MAFB: variants seen among roughly 807,000 people sequenced by gnomAD.
The protein encoded by MAFB is MAF bZIP transcription factor B.
A neutral mutation model predicts 17.7 loss-of-function variants in MAFB; 3 were observed. The ratio of observed to expected loss-of-function variants is 0.17; its 90% CI spans 0.08 to 0.44. The LOEUF is 0.44. Among genes scored for constraint, MAFB ranks in the 20% least tolerant of loss-of-function variants. The pLI, the probability that MAFB is intolerant of heterozygous loss-of-function variation, is 0.99. For synonymous variants in MAFB, 214 were observed against 211.5 expected, an observed-to-expected ratio of 1.01 and a Z score of -0.10; for missense variants, 355 against 461.3, an observed-to-expected ratio of 0.77 and a Z score of 2.11.
In MAFB at chr20:40,687,816, A is replaced by T. The variant is rs1600428359; in HGVS notation, c.*63T>A. The T allele has an allele frequency of 1.9e-6, 3 of 1,553,788 alleles. No individual in the cohort carries two copies. Among genetic ancestry groups the T allele is most frequent in the East Asian group, 4.5e-5 (2 of 44,196 alleles). On this transcript the variant is annotated 3_prime_UTR_variant, in exon 1 of 1. Coordinates refer to ENST00000373313, the MANE Select transcript of MAFB (RefSeq NM_005461.5). ...GGGACAGGGTCCGGGGTAGTCTGGG[A>T]CTAGGGACGTGGGACAGGGAGTCCG...
chr20:40,686,380 T>C lies in MAFB; in HGVS notation c.*1499A>G. On this transcript the variant is annotated 3_prime_UTR_variant, in exon 1 of 1. Coordinates refer to ENST00000373313, the MANE Select transcript of MAFB (RefSeq NM_005461.5). The stretch of plus-strand genomic sequence containing the variant: ...GAAGGGGGGGGACACCACCAAGAAC[T>C]CTTCCTACTATCTCAAAAGCAGGGA... The C allele has an allele frequency of 3.7e-6, 1 of 273,350 alleles. No homozygotes were observed. Among genetic ancestry groups the C allele is most frequent in the Non-Finnish European group, 6.8e-6 (1 of 146,368 alleles). The allele number at this position is 273,350 out of a possible 1,614,324, so 16.9% of individuals were successfully genotyped here. A position where few individuals can be genotyped will look rare whatever the true frequency, so the allele number is the denominator to read the frequency against.
At position 40,689,160 on chromosome 20, in the gene MAFB, C is replaced by T. The variant is rs567415398; in HGVS notation, c.-310G>A. The T allele has an allele frequency of 6.8e-4, 265 of 391,386 alleles. No homozygotes were observed. Among genetic ancestry groups the T allele is most frequent in the African/African-American group, 5.1e-3 (246 of 47,792 alleles). The allele number at this position is 391,386 out of a possible 1,614,324, so 24.2% of individuals were successfully genotyped here. Reference sequence around the variant, plus strand: ...GCTGAGGGGAGGCGTGGGGCGAGTGCCCGTTGCTCGCTCTCTAGCTCTCTT... The same window carrying T: ...GCTGAGGGGAGGCGTGGGGCGAGTGTCCGTTGCTCGCTCTCTAGCTCTCTT... On this transcript the variant is annotated 5_prime_UTR_variant, in exon 1 of 1. Coordinates refer to ENST00000373313, the MANE Select transcript of MAFB (RefSeq NM_005461.5).
In MAFB at chr20:40,687,092, G is replaced by C; in HGVS notation, c.*787C>G. 5.0e-6 allele frequency: 2 copies of C among 398,936 alleles called. No homozygotes were observed. Among genetic ancestry groups the C allele is most frequent in the Admixed American group, 8.8e-5 (2 of 22,724 alleles). 24.7% of individuals were successfully genotyped at this position (398,936 alleles called of 1,614,324 possible). A position where few individuals can be genotyped will look rare whatever the true frequency, so the allele number is the denominator to read the frequency against. ...TACAGCTGGGACTGAAACCCCGCAC[G>C]CAGCCGCCGGAGTTTCCAAACTGCG... On this transcript the variant is annotated 3_prime_UTR_variant, in exon 1 of 1. Coordinates refer to ENST00000373313, the MANE Select transcript of MAFB (RefSeq NM_005461.5).
chr20:40,689,005 G>C lies in MAFB; in HGVS notation c.-155C>G. The C allele has an allele frequency of 1.8e-6, 2 of 1,120,360 alleles. No homozygotes were observed. The highest frequency in any genetic ancestry group is 2.4e-6 in the Non-Finnish European group (2 of 849,298). The allele number at this position is 1,120,360 out of a possible 1,614,324, so 69.4% of individuals were successfully genotyped here. Reference sequence around the variant, plus strand: ...GGGGCCGCCGGCCAAGCCTTTGTCTGGGGACGCGGCGGCGCGCCGGAGAGT... The same window carrying C: ...GGGGCCGCCGGCCAAGCCTTTGTCTCGGGACGCGGCGGCGCGCCGGAGAGT... On this transcript the variant is annotated 5_prime_UTR_variant, in exon 1 of 1. Transcript: ENST00000373313.
rs1340633546 is a variant in MAFB, at chr20:40,688,308, T to C, written c.543A>G (p.Gln181=). The part of the protein sequence containing the change: ...PPPSSAASPA[Q]QLPTSHPGPG... ...GCCCGGGGTGGCTAGTGGGCAGCTG[T>C]TGCGCCGGGCTAGCGGCGCTGGACG... The change falls in exon 1 of 1, where the codon CAA becomes CAG. Residue 181 remains glutamine (Q), a synonymous_variant. Coordinates refer to ENST00000373313, the MANE Select transcript of MAFB (RefSeq NM_005461.5). 6.6e-7 allele frequency: 1 copy of C among 1,520,828 alleles called. No homozygotes were observed. The highest frequency in any genetic ancestry group is 8.7e-7 in the Non-Finnish European group (1 of 1,145,942). 94.2% of individuals were successfully genotyped at this position (1,520,828 alleles called of 1,614,324 possible).
Position 40,686,642 on chromosome 20 carries a change from A to G in MAFB, c.*1237T>C, listed in dbSNP as rs1165279200. 7.5e-6 allele frequency: 3 copies of G among 398,212 alleles called. No homozygotes were observed. Among genetic ancestry groups the G allele is most frequent in the Non-Finnish European group, 1.3e-5 (3 of 226,090 alleles). The allele number at this position is 398,212 out of a possible 1,614,324, so 24.7% of individuals were successfully genotyped here. ...ACCTCAGGGTGATTCTGGTTACAAT[A>G]AAAAGCAGAGGGGAGGATCTGTTTT... On this transcript the variant is annotated 3_prime_UTR_variant, in exon 1 of 1. Transcript: ENST00000373313.
rs545582984 is a variant in MAFB at position 40,687,856 on chromosome 20, C to T, written c.*23G>A. Reference sequence around the variant, plus strand: ...CAGGGAGTCCGGGCCGGGGCAAGGGCGGGGGCCAGGACCGGCCACGACTCA... The same window carrying T: ...CAGGGAGTCCGGGCCGGGGCAAGGGTGGGGGCCAGGACCGGCCACGACTCA... On this transcript the variant is annotated 3_prime_UTR_variant, in exon 1 of 1. Transcript: ENST00000373313. The T allele has an allele frequency of 1.2e-6, 2 of 1,601,918 alleles. No homozygotes were observed. Among genetic ancestry groups the T allele is most frequent in the South Asian group, 2.2e-5 (2 of 90,542 alleles).
At position 40,686,344 on chromosome 20, in the gene MAFB, A is replaced by G. The variant is rs1986827674; in HGVS notation, c.*1535T>C. Reference sequence around the variant, plus strand: ...ATATCTTCCCTATAACTACTATACAACTGAAGAATTGAAGGGGGGGGACAC... The same window carrying G: ...ATATCTTCCCTATAACTACTATACAGCTGAAGAATTGAAGGGGGGGGACAC... On this transcript the variant is annotated 3_prime_UTR_variant, in exon 1 of 1. Coordinates refer to ENST00000373313, the MANE Select transcript of MAFB (RefSeq NM_005461.5). The G allele has an allele frequency of 4.0e-6, 1 of 252,270 alleles. No individual in the cohort carries two copies. Among genetic ancestry groups the G allele is most frequent in the Admixed American group, 5.5e-5 (1 of 18,274 alleles). 15.6% of individuals were successfully genotyped at this position (252,270 alleles called of 1,614,324 possible). A position where few individuals can be genotyped will look rare whatever the true frequency, so the allele number is the denominator to read the frequency against.
At position 40,687,655 on chromosome 20, in the gene MAFB, G is replaced by T; in HGVS notation, c.*224C>A. On this transcript the variant is annotated 3_prime_UTR_variant, in exon 1 of 1. Coordinates refer to ENST00000373313, the MANE Select transcript of MAFB (RefSeq NM_005461.5). ...TCTCTCCGGCTCTGCTCGAGTCTAG[G>T]AGGCGGCGCTGGCGTGCGCTACTCT... 3 of 605,206 alleles carry T rather than the reference G, an allele frequency of 5.0e-6. No individual in the cohort carries two copies. The highest frequency in any genetic ancestry group is 8.7e-6 in the Non-Finnish European group (3 of 342,974). The allele number at this position is 605,206 out of a possible 1,614,324, so 37.5% of individuals were successfully genotyped here.
In MAFB at chr20:40,688,746, T is replaced by G; in HGVS notation, c.105A>C (p.Pro35=). The G allele has an allele frequency of 9.9e-6, 16 of 1,613,834 alleles. No homozygotes were observed. Among genetic ancestry groups the G allele is most frequent in the Non-Finnish European group, 1.4e-5 (16 of 1,179,884 alleles). Residue 35 remains proline, a synonymous_variant, in exon 1 of 1, where the codon CCA becomes CCC. Transcript: ENST00000373313. The part of the protein sequence containing the change: ...DLLKFDVKKE[P]LGRAERPGRP... ...TGCCCGGACGCTCCGCGCGCCCCAG[T>G]GGCTCCTTCTTCACGTCGAACTTGA... is the stretch of plus-strand genomic sequence containing the variant.
chr20:40,687,872 C>T lies in MAFB; in HGVS notation c.*7G>A, dbSNP rs1278963145. 1 of 1,607,604 alleles carries T rather than the reference C, an allele frequency of 6.2e-7. No homozygotes were observed. Among genetic ancestry groups the T allele is most frequent in the Non-Finnish European group, 8.5e-7 (1 of 1,179,694 alleles). ...GGGCAAGGGCGGGGGCCAGGACCGG[C>T]CACGACTCACAGAAAGAACTCGGGA... On this transcript the variant is annotated 3_prime_UTR_variant, in exon 1 of 1. Coordinates refer to ENST00000373313, the MANE Select transcript of MAFB (RefSeq NM_005461.5).
rs561128624 is a variant in MAFB at position 40,687,102 on chromosome 20, G to T, written c.*777C>A. On this transcript the variant is annotated 3_prime_UTR_variant, in exon 1 of 1. Coordinates refer to ENST00000373313, the MANE Select transcript of MAFB (RefSeq NM_005461.5). The stretch of plus-strand genomic sequence containing the variant: ...ACTGAAACCCCGCACGCAGCCGCCG[G>T]AGTTTCCAAACTGCGATCCCTTCTC... The T allele has an allele frequency of 2.5e-6, 1 of 398,836 alleles. No individual in the cohort carries two copies. 24.7% of individuals were successfully genotyped at this position (398,836 alleles called of 1,614,324 possible).
chr20:40,687,368 TGACA>T lies in MAFB; in HGVS notation c.*507_*510del, dbSNP rs201579991. 6.7e-3 allele frequency: 2,645 copies of T among 397,082 alleles called. 22 individuals carry two copies. The highest frequency in any genetic ancestry group is 0.02 in the Middle Eastern group (31 of 1,550). The allele number at this position is 397,082 out of a possible 1,614,324, so 24.6% of individuals were successfully genotyped here. The stretch of plus-strand genomic sequence containing the variant: ...CTGAGAGCCAGTGTTCTCCGAACTC[TGACA>T]GACAGGTCCGTCTGTCCTTCCTTCT... On this transcript the variant is annotated 3_prime_UTR_variant, in exon 1 of 1. Coordinates refer to ENST00000373313, the MANE Select transcript of MAFB (RefSeq NM_005461.5).
rs148352161 is a variant in MAFB, at chr20:40,686,359, G to T, written c.*1520C>A. ...CTACTATACAACTGAAGAATTGAAG[G>T]GGGGGGACACCACCAAGAACTCTTC... On this transcript the variant is annotated 3_prime_UTR_variant, in exon 1 of 1. Transcript: ENST00000373313. 31 of 262,288 alleles carry T rather than the reference G, an allele frequency of 1.2e-4. No homozygotes were observed. Among genetic ancestry groups the T allele is most frequent in the Middle Eastern group, 2.1e-3 (2 of 948 alleles). 16.2% of individuals were successfully genotyped at this position (262,288 alleles called of 1,614,324 possible).
chr20:40,687,358 C>CTGTCTG lies in MAFB; in HGVS notation c.*520_*521insCAGACA, dbSNP rs1308948324. On this transcript the variant is annotated 3_prime_UTR_variant, in exon 1 of 1. Coordinates refer to ENST00000373313, the MANE Select transcript of MAFB (RefSeq NM_005461.5). ...TGTCTCAGGGCTGAGAGCCAGTGTT[C>CTGTCTG]TCCGAACTCTGACAGACAGGTCCGT... is the stretch of plus-strand genomic sequence containing the variant. The CTGTCTG allele has an allele frequency of 1.0e-5, 4 of 397,160 alleles. No homozygotes were observed. The highest frequency in any genetic ancestry group is 1.8e-5 in the Non-Finnish European group (4 of 225,460). The allele number at this position is 397,160 out of a possible 1,614,324, so 24.6% of individuals were successfully genotyped here.
chr20:40,689,015 C>T lies in MAFB; in HGVS notation c.-165G>A. Reference sequence around the variant, plus strand: ...GCCAAGCCTTTGTCTGGGGACGCGGCGGCGCGCCGGAGAGTCCCGAGGCTG... The same window carrying T: ...GCCAAGCCTTTGTCTGGGGACGCGGTGGCGCGCCGGAGAGTCCCGAGGCTG... On this transcript the variant is annotated 5_prime_UTR_variant, in exon 1 of 1. Coordinates refer to ENST00000373313, the MANE Select transcript of MAFB (RefSeq NM_005461.5). The T allele has an allele frequency of 9.9e-7, 1 of 1,006,242 alleles. No individual in the cohort carries two copies. Among genetic ancestry groups the T allele is most frequent in the Non-Finnish European group, 1.3e-6 (1 of 746,574 alleles). 62.3% of individuals were successfully genotyped at this position (1,006,242 alleles called of 1,614,324 possible). A position where few individuals can be genotyped will look rare whatever the true frequency, so the allele number is the denominator to read the frequency against.
rs1986912476 is a variant in MAFB at position 40,688,966 on chromosome 20, G to A, written c.-116C>T. 23 of 1,354,152 alleles carry A rather than the reference G, an allele frequency of 1.7e-5. No homozygotes were observed. The highest frequency in any genetic ancestry group is 2.0e-5 in the Non-Finnish European group (21 of 1,048,278). The allele number at this position is 1,354,152 out of a possible 1,614,324, so 83.9% of individuals were successfully genotyped here. The stretch of plus-strand genomic sequence containing the variant: ...GAAGAGCTGGGGAGGCGGGGAGCGA[G>A]GGCGCAGCGGGCCGGGGCCGCCGGC... On this transcript the variant is annotated 5_prime_UTR_variant, in exon 1 of 1. Transcript: ENST00000373313.
chr20:40,688,828 C>G lies in MAFB; in HGVS notation c.23G>C (p.Gly8Ala). MAAELSM[G>A]PELPTSPLAM... ...CAGCGGGCTGGTGGGCAGCTCTGGCCCCATGCTCAGCTCCGCGGCCATCGC... is the reference window on the plus strand; with the variant it reads ...CAGCGGGCTGGTGGGCAGCTCTGGCGCCATGCTCAGCTCCGCGGCCATCGC... The change falls in exon 1 of 1, where the codon GGG (glycine) becomes GCG (alanine). Residue 8 changes from glycine to alanine, a missense_variant. Physicochemically the swap from Gly to Ala is moderately conservative, Grantham distance 60. Around this residue, in one of 3 missense-constraint regions of MAFB, gnomAD observed 285 missense variants for 350.0 expected, o/e 0.81. Coordinates refer to ENST00000373313, the MANE Select transcript of MAFB (RefSeq NM_005461.5). 1 of 1,612,378 alleles carries G rather than the reference C, an allele frequency of 6.2e-7. No homozygotes were observed. Among genetic ancestry groups the G allele is most frequent in the Non-Finnish European group, 8.5e-7 (1 of 1,179,592 alleles).
rs567388918 is a variant in MAFB, at chr20:40,686,665, T to C, written c.*1214A>G. The C allele has an allele frequency of 1.5e-4, 60 of 398,430 alleles. 1 individual carries two copies. Among genetic ancestry groups the C allele is most frequent in the African/African-American group, 1.0e-3 (49 of 48,742 alleles). 24.7% of individuals were successfully genotyped at this position (398,430 alleles called of 1,614,324 possible). A position where few individuals can be genotyped will look rare whatever the true frequency, so the allele number is the denominator to read the frequency against. ...ATAAAAAGCAGAGGGGAGGATCTGT[T>C]TTCCTTTCCTTTCCTTTCTTATTAA... On this transcript the variant is annotated 3_prime_UTR_variant, in exon 1 of 1. Transcript: ENST00000373313.
Sources: allele counts gnomAD v4.1 joint callset, GRCh38; gene constraint gnomAD v4.1.1; regional missense constraint gnomAD v4.1.1; transcripts MANE v1.5; gene names NCBI Gene and HGNC (gene_info 2026-07-23, HGNC 2026-07-21).